Variants in LRRC51 observed in about 807,000 individuals in gnomAD.
The protein encoded by LRRC51 is leucine-rich repeat-containing protein 51.
LRRC51 carries 8 observed loss-of-function variants against 17.8 expected under a neutral mutation model. The observed-to-expected ratio is 0.45, with a 90% CI of 0.26 to 0.81. The LOEUF is 0.81. LRRC51 is among the 30% of genes least tolerant of loss of function. The pLI is 0.17. For synonymous variants in LRRC51, 92 were observed against 96.0 expected, an observed-to-expected ratio of 0.96 and a Z score of 0.24; for missense variants, 233 against 239.3, an observed-to-expected ratio of 0.97 and a Z score of 0.17.
At chr11:72,082,236 CAG>C (rs2136461732) in intron 1 of LRRC51, among the ~76,000 whole-genome samples, 1 of 152,324 alleles carries the variant, frequency 6.6e-6, no homozygotes, top group Non-Finnish European at 1.5e-5. Context: ...AAACAGGAAA[CAG>C]AAGGGCTAAC....
chr11:72,083,473 C>A (rs1944358219), intron 1 of LRRC51, among the ~76,000 whole-genome samples: 1 of 152,132 alleles, frequency 6.6e-6, no homozygotes, highest in Non-Finnish European at 1.5e-5. Context: ...TCAATTACAG[C>A]AACCTCATGG....
Position 72,096,722 on chromosome 11 carries a change from G to C in LRRC51, c.*1202G>C. The stretch of plus-strand genomic sequence containing the variant: ...ATCAGTAATTTCCAAACTCTTCACA[G>C]AGTACCAGGGTCTGTAGAGATGCCT... On this transcript the variant is annotated 3_prime_UTR_variant, in exon 6 of 6. Transcript: ENST00000289488. 1.9e-6 allele frequency: 3 copies of C among 1,547,752 alleles called. No individual in the cohort carries two copies. Among genetic ancestry groups the C allele is most frequent in the Non-Finnish European group, 2.6e-6 (3 of 1,145,090 alleles).
intron 1 of LRRC51, among the ~76,000 whole-genome samples, chr11:72,082,958 C>G (rs996767299): frequency 6.6e-6 from 1 of 152,098 alleles, no homozygotes; most frequent in African/African-American, 2.4e-5. Flanking sequence ...CTCCACCTCC[C>G]GGTTTCAAGC....
In LRRC51 at chr11:72,089,116, A is replaced by T. The variant is rs763896320; in HGVS notation, c.33A>T (p.Val11=). ...AACGGGACTATATGAACACTTCGGTACAGGAGCCCCCTCTTGACTACTCCT... is the reference window on the plus strand; with the variant it reads ...AACGGGACTATATGAACACTTCGGTTCAGGAGCCCCCTCTTGACTACTCCT... MNKRDYMNTS[V]QEPPLDYSFR... is the part of the protein sequence containing the mutation. The change falls in exon 3 of 6, where the codon GTA becomes GTT. Residue 11 remains valine, a synonymous_variant. Coordinates refer to ENST00000289488, the MANE Select transcript of LRRC51 (RefSeq NM_145309.6). 6.2e-7 allele frequency: 1 copy of T among 1,614,162 alleles called. No individual in the cohort carries two copies. The highest frequency in any genetic ancestry group is 1.1e-5 in the South Asian group (1 of 91,088).
In LRRC51 at chr11:72,089,337, T is replaced by C. The variant is rs1297225487; in HGVS notation, c.82+172T>C. ...GAGAGTGAGAGGTTTTTTTCTGTCTTTTTGTTTGTTTTGATTTTGCCCCGA... is the reference window on the plus strand; with the variant it reads ...GAGAGTGAGAGGTTTTTTTCTGTCTCTTTGTTTGTTTTGATTTTGCCCCGA... On this transcript the variant is annotated intron_variant, in intron 3 of 5. Transcript: ENST00000289488. 12 of 1,503,580 alleles carry C rather than the reference T, an allele frequency of 8.0e-6. No individual in the cohort carries two copies. The Admixed American group carries it at 2.0e-4, about 25-fold the overall frequency. 93.1% of individuals were successfully genotyped at this position (1,503,580 alleles called of 1,614,324 possible).
chr11:72,095,041 C>CG lies in LRRC51; in HGVS notation c.384dup (p.Leu129AlafsTer3), dbSNP rs760867044. Reference sequence around the variant, plus strand: ...GGTGAATAAGCTGGCTGTCCTTCCTCGGCTCCGTAGCCTGACACTCCATGG... The same window carrying CG: ...GGTGAATAAGCTGGCTGTCCTTCCTCGGGCTCCGTAGCCTGACACTCCATGG... On this transcript the variant is annotated frameshift_variant, in exon 5 of 6. Transcript: ENST00000289488. LOFTEE classifies it high-confidence loss of function. 38 of 1,613,830 alleles carry CG rather than the reference C, an allele frequency of 2.4e-5. No individual in the cohort carries two copies. Among genetic ancestry groups the CG allele is most frequent in the Non-Finnish European group, 2.8e-5 (33 of 1,179,970 alleles).
At chr11:72,089,396 C>G in intron 3 of LRRC51, 1 of 1,452,742 alleles carries the variant, frequency 6.9e-7, no homozygotes, top group Non-Finnish European at 9.1e-7. Flanking sequence ...ACATGTGCCC[C>G]TGTTTGTTTT....
intron 1 of LRRC51, chr11:72,083,929 T>G (rs949177736): frequency 6.6e-6 from 1 of 152,244 alleles, no homozygotes; most frequent in Non-Finnish European, 1.5e-5. Flanking sequence ...AGGAGCCAGG[T>G]TGAATCTTGG....
intron 5 of LRRC51, 81 bp downstream of exon 5, chr11:72,095,177 C>A (rs1305092667): frequency 5.1e-6 from 8 of 1,578,776 alleles, no homozygotes; most frequent in Non-Finnish European, 6.9e-6. Context: ...AATCTACGAC[C>A]ATTCTTCTGC....
Position 72,095,676 on chromosome 11 carries a change from CT to C in LRRC51, c.*170del, listed in dbSNP as rs200241625. On this transcript the variant is annotated 3_prime_UTR_variant, in exon 6 of 6. Coordinates refer to ENST00000289488, the MANE Select transcript of LRRC51 (RefSeq NM_145309.6). ...GCAAGTAGCTCTAGCCTTTTCTTTT[CT>C]TTTTTTTTTTTTTGAGACGGAGTCT... 147,636 of 1,129,014 alleles carry C rather than the reference CT, an allele frequency of 0.13. 640 individuals are homozygous for C. Among genetic ancestry groups the C allele is most frequent in the East Asian group, 0.22 (7,292 of 32,416 alleles). The allele number at this position is 1,129,014 out of a possible 1,614,324, so 69.9% of individuals were successfully genotyped here.
chr11:72,094,760 G>C, intron 4 of LRRC51, 188 bp from the exon 5 acceptor site: 1 of 1,114,392 alleles, frequency 9.0e-7, no homozygotes, highest in Non-Finnish European at 1.3e-6. Context: ...CTCCTTTTCA[G>C]TGTGATGCCC....
At chr11:72,085,255 CTT>C (rs1180600617) in intron 1 of LRRC51, among the ~76,000 whole-genome samples, 1 of 152,204 alleles carries the variant, frequency 6.6e-6, no homozygotes, top group Non-Finnish European at 1.5e-5. Flanking sequence ...AGCATCAACA[CTT>C]TGTCAGTTCT....
Position 72,096,394 on chromosome 11 carries a change from C to G in LRRC51, c.*874C>G, listed in dbSNP as rs1337482738. 1.0e-5 allele frequency: 4 copies of G among 385,446 alleles called. No homozygotes were observed. Among genetic ancestry groups the G allele is most frequent in the African/African-American group, 8.7e-5 (4 of 45,900 alleles). 23.9% of individuals were successfully genotyped at this position (385,446 alleles called of 1,614,324 possible). ...CTGGGATTAGAAGCGTGAGCCACCA[C>G]GCCCAGCCTTTTTTTGTATTTTTAG... On this transcript the variant is annotated 3_prime_UTR_variant, in exon 6 of 6. Transcript: ENST00000289488.
chr11:72,091,555 A>C (rs570076239), intron 3 of LRRC51, among the ~76,000 whole-genome samples: 1 of 152,080 alleles, frequency 6.6e-6, no homozygotes, highest in Non-Finnish European at 1.5e-5. Flanking sequence ...GCAAATACTA[A>C]ATACTTCCTT....
At chr11:72,087,919 A>G (rs1944635684) in intron 1 of LRRC51, among the ~76,000 whole-genome samples, 1 of 152,226 alleles carries the variant, frequency 6.6e-6, no homozygotes, top group South Asian at 2.1e-4. Flanking sequence ...AGTGGATGGC[A>G]CTATTCTGCA....
intron 4 of LRRC51, chr11:72,094,699 T>C: frequency 2.7e-6 from 2 of 745,488 alleles, no homozygotes; most frequent in South Asian, 2.9e-5. Context: ...GAGAGGCAAG[T>C]CAGTGGCAGT....
At chr11:72,088,405 TTG>T (rs757659278) in intron 2 of LRRC51, 25 bp downstream of exon 2, 8 of 702,184 alleles carry the variant, frequency 1.1e-5, no homozygotes, top group Non-Finnish European at 2.1e-5. Flanking sequence ...GACTCTGGTT[TTG>T]TGTGTGTGTA....
At position 72,095,090 on chromosome 11, in the gene LRRC51, G is replaced by C; in HGVS notation, c.431G>C (p.Gly144Ala). ...LHGNPMEEEKGYRQYVLCTLS... is the reference protein window; with the variant it reads ...LHGNPMEEEKAYRQYVLCTLS... ...GGGAACCCCATGGAGGAAGAGAAAG[G>C]GTATAGGTAAGTGCCCTGCCCCTGG... The change falls in exon 5 of 6, where the codon GGG becomes GCG. Residue 144 changes from glycine (G) to alanine (A), a missense_variant. Transcript: ENST00000289488. 6.2e-7 allele frequency: 1 copy of C among 1,613,894 alleles called. No homozygotes were observed.
intron 3 of LRRC51, among the ~76,000 whole-genome samples, chr11:72,090,945 C>T (rs114296190): frequency 8.5e-5 from 13 of 152,322 alleles, no homozygotes; most frequent in African/African-American, 3.1e-4. Context: ...CTTCCTGGAG[C>T]TAAATGCTCC....
Sources: gnomAD v4.1 joint callset for allele counts (sites outside exome capture counted in the v4.1 genomes callset) on GRCh38, gnomAD v4.1.1 for gene constraint, MANE v1.5 for transcripts, NCBI Gene and HGNC (gene_info 2026-07-23, HGNC 2026-07-21) for gene names.